Variants in EPHA10 observed in about 807,000 individuals in gnomAD.
EPHA10 encodes the protein ephrin type-A receptor 10.
In EPHA10, 120 loss-of-function variants were observed where a neutral mutation model predicts 109.7. The observed-to-expected ratio is 1.09, with a 90% CI of 0.94 to 1.27. The LOEUF is 1.27. Among genes scored for constraint, EPHA10 ranks in the 50% most tolerant of loss-of-function variants. The pLI is 0.00. For synonymous variants in EPHA10, 640 were observed against 618.9 expected (o/e 1.03, Z -0.51); for missense variants, 1,396 against 1,411.1 (o/e 0.99, Z 0.17).
intron 10 of EPHA10, 140 bp from the exon 11 acceptor site, chr1:37,721,985 A>G (rs145526067): frequency 2.4e-6 from 2 of 817,376 alleles, no homozygotes; most frequent in Non-Finnish European, 3.6e-6. Context: ...ACAAAAATTA[A>G]CCAGACAAGG....
chr1:37,751,765 C>T (rs939465857), intron 5 of EPHA10, among the ~76,000 whole-genome samples: 2 of 151,292 alleles, frequency 1.3e-5, no homozygotes, highest in African/African-American at 4.9e-5. Flanking sequence ...CCCAGCTACT[C>T]GGGAGGCTAA....
intron 3 of EPHA10, among the ~76,000 whole-genome samples, chr1:37,757,834 C>T (rs936859821): frequency 2.6e-5 from 4 of 152,204 alleles, no homozygotes; most frequent in African/African-American, 9.7e-5. Flanking sequence ...CAGATGCCCT[C>T]CCTCCCACCT....
chr1:37,720,435 C>T lies in EPHA10; in HGVS notation c.2328G>A (p.Val776=). The change falls in exon 13 of 17, where the codon GTG becomes GTA. Residue 776 remains valine (V), a synonymous_variant. Transcript: ENST00000373048. The stretch of plus-strand genomic sequence containing the variant: ...TGCAGACAAGGTCGCTGCTGACCAG[C>T]ACATGGCGAGCTGCCAGGCCCCGGT... ...YVHRGLAARH[V]LVSSDLVCKI... is the part of the protein sequence containing the mutation. 1 of 1,613,578 alleles carries T rather than the reference C, an allele frequency of 6.2e-7. No individual in the cohort carries two copies. Among genetic ancestry groups the T allele is most frequent in the Non-Finnish European group, 8.5e-7 (1 of 1,180,002 alleles).
intron 7 of EPHA10, among the ~76,000 whole-genome samples, chr1:37,729,216 C>A (rs1006790527): frequency 6.6e-6 from 1 of 152,170 alleles, no homozygotes; most frequent in African/African-American, 2.4e-5. Context: ...CCCAGCTAAG[C>A]CCCGAGATGA....
Position 37,761,711 on chromosome 1 carries a change from G to A in EPHA10, c.544C>T (p.Pro182Ser), listed in dbSNP as rs1320390986. 4.3e-6 allele frequency: 7 copies of A among 1,613,410 alleles called. No homozygotes were observed. Among genetic ancestry groups the A allele is most frequent in the Non-Finnish European group, 5.9e-6 (7 of 1,179,936 alleles). ...KLNTEVREIG[P>S]LSRRGFHLAF... The stretch of plus-strand genomic sequence containing the variant: ...AGGTGGAAACCCCGCCGGCTGAGCG[G>A]TCCGATCTCGCGCACCTCTGTGTTC... The change falls in exon 3 of 17, where the codon CCG becomes TCG. Residue 182 changes from proline to serine, a missense_variant. Pro to Ser is a moderately conservative substitution (Grantham distance 74). Transcript: ENST00000373048.
chr1:37,753,675 TGAGTGGGAGCAGGG>T (rs1557557084), intron 4 of EPHA10, among the ~76,000 whole-genome samples: 87 of 6,714 alleles, frequency 0.013, 1 homozygote, highest in African/African-American at 0.026. Context: ...GGAGCAGGGG[TGAGTGGGAGCAGGG>T]GCGAGCGGGA....
Position 37,761,756 on chromosome 1 carries a change from C to T in EPHA10, c.499G>A (p.Gly167Ser). 6.2e-7 allele frequency: 1 copy of T among 1,613,838 alleles called. No homozygotes were observed. The highest frequency in any genetic ancestry group is 8.5e-7 in the Non-Finnish European group (1 of 1,179,848). ...GTGTTCAGCTTCATCTTGCGCTCACCCAGGTCGCCCTGCGTGAAGCTCTCG... is the reference window on the plus strand; with the variant it reads ...GTGTTCAGCTTCATCTTGCGCTCACTCAGGTCGCCCTGCGTGAAGCTCTCG... The part of the protein sequence containing the change: ...ADESFTQGDL[G>S]ERKMKLNTEV... The change falls in exon 3 of 17, where the codon GGT becomes AGT. Residue 167 changes from glycine (G) to serine (S), a missense_variant. By Grantham distance (56) the Gly-to-Ser change is moderately conservative. Transcript: ENST00000373048.
At chr1:37,715,325 C>T (rs1029985858), downstream of EPHA10, among the ~76,000 whole-genome samples, 1 of 152,118 alleles carries the variant, frequency 6.6e-6, no homozygotes, top group Non-Finnish European at 1.5e-5. Flanking sequence ...CCACCGAACC[C>T]GGCCATTTTT....
rs1404564122 is a variant in EPHA10 at position 37,764,972 on chromosome 1, G to A, written c.95C>T (p.Thr32Ile). ...ALLLGPWRPG[T>I]AEEVILLDSK... Reference sequence around the variant, plus strand: ...ACCAGTCTTCTCACCTTCCTCGGCGGTCCCAGGCCGCCAGGGTCCCAAAAG... The same window carrying A: ...ACCAGTCTTCTCACCTTCCTCGGCGATCCCAGGCCGCCAGGGTCCCAAAAG... Residue 32 changes from threonine to isoleucine, a missense_variant, in exon 1 of 17, where the codon ACC becomes ATC. By Grantham distance (89) the Thr-to-Ile change is moderately conservative. Coordinates refer to ENST00000373048, the MANE Select transcript of EPHA10 (RefSeq NM_001099439.2). This position sits in a 1 kb window ranked among gnomAD's most constrained non-coding sequence, Gnocchi z 5.8. 1 of 1,607,874 alleles carries A rather than the reference G, an allele frequency of 6.2e-7. No individual in the cohort carries two copies. The highest frequency in any genetic ancestry group is 2.2e-5 in the East Asian group (1 of 44,726).
intron 3 of EPHA10, among the ~76,000 whole-genome samples, chr1:37,759,383 C>A (rs1471108708): frequency 1.3e-5 from 2 of 152,158 alleles, no homozygotes; most frequent in East Asian, 3.8e-4. Flanking sequence ...CTTCTGCATG[C>A]AATTCCTAAG....
chr1:37,738,548 T>C (rs1009399889), intron 5 of EPHA10, among the ~76,000 whole-genome samples: 1 of 152,180 alleles, frequency 6.6e-6, no homozygotes, highest in Non-Finnish European at 1.5e-5. Context: ...GGAACCCTTG[T>C]ACACCATTGT....
downstream of EPHA10, chr1:37,715,919 GC>G (rs1645684712): frequency 1.8e-6 from 1 of 569,432 alleles, no homozygotes; most frequent in Admixed American, 1.9e-5. Flanking sequence ...GGGGGCAGAA[GC>G]CCTTCCACAC....
intron 3 of EPHA10, chr1:37,760,312 C>T: frequency 9.6e-7 from 1 of 1,041,684 alleles, no homozygotes; most frequent in Non-Finnish European, 1.2e-6. Flanking sequence ...ATTAAGTACA[C>T]ACATTAATAA....
Position 37,761,462 on chromosome 1 carries a change from G to A in EPHA10, c.793C>T (p.Pro265Ser), listed in dbSNP as rs1333865903. ...HCGADGEWLV[P>S]VGRCSCSAGF... ...GCGCTGCAGCTGCAGCGGCCCACAG[G>A]CACCAGCCACTCGCCGTCGGCGCCG... The change falls in exon 3 of 17, where the codon CCT becomes TCT. Residue 265 changes from proline (P) to serine (S), a missense_variant. Transcript: ENST00000373048. 1.9e-6 allele frequency: 3 copies of A among 1,599,174 alleles called. No individual in the cohort carries two copies. The highest frequency in any genetic ancestry group is 1.1e-5 in the South Asian group (1 of 91,058).
In EPHA10 at chr1:37,752,793, C is replaced by T. The variant is rs535099802; in HGVS notation, c.1357+83G>A. On this transcript the variant is annotated intron_variant, in intron 5 of 16. Transcript: ENST00000373048. The stretch of plus-strand genomic sequence containing the variant: ...CTCTGGGGTGGGTGGGTGGGGCTCC[C>T]GCAGGACCGACGGGGCGGCCCCAAG... The T allele has an allele frequency of 1.3e-3, 1,311 of 1,042,746 alleles. 16 individuals are homozygous for T. The African/African-American group carries it at 0.02, about 16-fold the overall frequency. 64.6% of individuals were successfully genotyped at this position (1,042,746 alleles called of 1,614,324 possible).
chr1:37,731,708 C>G (rs1645986866), intron 6 of EPHA10, 126 bp from the exon 7 acceptor site: 2 of 1,026,636 alleles, frequency 1.9e-6, no homozygotes, highest in East Asian at 5.5e-5. Flanking sequence ...GTGCGAAAAC[C>G]CAACCTCAAT....
intron 6 of EPHA10, among the ~76,000 whole-genome samples, chr1:37,732,507 T>G (rs938830243): frequency 2.0e-5 from 3 of 152,186 alleles, no homozygotes; most frequent in African/African-American, 4.8e-5. Context: ...ATTCAGGAAC[T>G]GGGACGGACT....
chr1:37,735,407 T>C lies in EPHA10; in HGVS notation c.1358-17A>G. The C allele has an allele frequency of 6.3e-7, 1 of 1,577,000 alleles. No individual in the cohort carries two copies. Among genetic ancestry groups the C allele is most frequent in the Non-Finnish European group, 8.6e-7 (1 of 1,161,362 alleles). ...CCCAGGGCGCTGAAAGTAAGTTACG[T>C]GGGATTCTCCACCTTGACCCACCTC... is the stretch of plus-strand genomic sequence containing the variant. On this transcript the variant is annotated splice_polypyrimidine_tract_variant and intron_variant, in intron 5 of 16. Transcript: ENST00000373048.
chr1:37,722,997 G>A, intron 10 of EPHA10, 44 bp downstream of exon 10: 1 of 1,613,552 alleles, frequency 6.2e-7, no homozygotes, highest in Non-Finnish European at 8.5e-7. Context: ...TAGAGTGGGT[G>A]AGGCTTCCAG....
Sources: allele counts gnomAD v4.1 joint callset (sites outside exome capture counted in the v4.1 genomes callset), GRCh38; gene constraint gnomAD v4.1.1; non-coding constraint Gnocchi (gnomAD v3.1); transcripts MANE v1.5; gene names NCBI Gene and HGNC (gene_info 2026-07-23, HGNC 2026-07-21).